Variants in LIPC observed in about 807,000 individuals in gnomAD.
LIPC encodes hepatic triacylglycerol lipase.
A neutral mutation model predicts 50.7 loss-of-function variants in LIPC; 44 were observed. The observed-to-expected ratio is 0.87, with a 90% CI of 0.68 to 1.11. The LOEUF (loss-of-function observed/expected upper bound fraction) is 1.11. LIPC is among the 50% of genes most tolerant of loss of function. LIPC has a pLI of 0.00. For synonymous variants in LIPC, 271 were observed against 256.4 expected, an observed-to-expected ratio of 1.06 and a Z score of -0.54; for missense variants, 697 against 648.2, an observed-to-expected ratio of 1.08 and a Z score of -0.82.
chr15:58,472,140 A>G lies in LIPC; in HGVS notation c.88+40020A>G, dbSNP rs928226031. 6.6e-5 allele frequency among the ~76,000 whole-genome samples: 10 copies of G among 151,796 alleles called. 1 individual carries two copies. The highest frequency in any genetic ancestry group is 2.1e-4 in the South Asian group (1 of 4,804). ...CAAAAAATTAGCCAGGCATGGTGGC[A>G]CGTGCCTGTAATCCCAGCTACTCGG... On this transcript the variant is annotated intron_variant, in intron 1 of 8. Transcript: ENST00000299022.
At chr15:58,541,650 C>A (rs1893327608) in intron 2 of LIPC, 135 bp from the exon 3 acceptor site, 5 of 904,072 alleles carry the variant, frequency 5.5e-6, no homozygotes, top group Non-Finnish European at 7.0e-6. Flanking sequence ...TTCTCTGGCC[C>A]AAAATGTCAA....
chr15:58,491,215 C>T (rs1313005241), intron 1 of LIPC, among the ~76,000 whole-genome samples: 2 of 152,152 alleles, frequency 1.3e-5, no homozygotes, highest in African/African-American at 4.8e-5. Flanking sequence ...ACTGGCCTTT[C>T]ATGAAATGAC....
chr15:58,445,737 C>T (rs934479056), intron 1 of LIPC, among the ~76,000 whole-genome samples: 8 of 152,198 alleles, frequency 5.3e-5, no homozygotes, highest in Admixed American at 3.3e-4. Flanking sequence ...TCACTCAAGG[C>T]CTGCAGACCT....
intron 1 of LIPC, among the ~76,000 whole-genome samples, chr15:58,520,975 A>G (rs1163211657): frequency 6.6e-6 from 1 of 152,314 alleles, no homozygotes; most frequent in East Asian, 1.9e-4. Context: ...GGGCTTTAAG[A>G]TGAGGGCGAA....
chr15:58,469,568 G>T (rs923706067), intron 1 of LIPC, among the ~76,000 whole-genome samples: 1 of 152,186 alleles, frequency 6.6e-6, no homozygotes, highest in African/African-American at 2.4e-5. Context: ...GGCTCAGGCA[G>T]GGAAGCTGAG....
intron 1 of LIPC, among the ~76,000 whole-genome samples, chr15:58,489,224 G>GA (rs1555400851): frequency 1.1e-5 from 1 of 91,232 alleles, no homozygotes; most frequent in East Asian, 3.3e-4. Context: ...TTGCGGGGGC[G>GA]GGGGGGCGGC....
chr15:58,493,269 C>T, intron 1 of LIPC, among the ~76,000 whole-genome samples: 1 of 152,270 alleles, frequency 6.6e-6, no homozygotes, highest in African/African-American at 2.4e-5. Context: ...CAGCACTCCA[C>T]CACAGCCTGC....
rs775782543 is a variant in LIPC, at chr15:58,541,791, G to A, written c.280G>A (p.Gly94Ser). Residue 94 changes from glycine (G) to serine (S), a missense_variant, in exon 3 of 9, where the codon GGC becomes AGC. Transcript: ENST00000299022. ...VMIIHGWSVD[G>S]VLENWIWQMV... ...CCCTCTGTCCCCTCCTCAGGTGGAC[G>A]GCGTGCTAGAAAACTGGATCTGGCA... 12 of 1,613,320 alleles carry A rather than the reference G, an allele frequency of 7.4e-6. No individual in the cohort carries two copies. Among genetic ancestry groups the A allele is most frequent in the African/African-American group, 5.3e-5 (4 of 74,910 alleles).
intron 1 of LIPC, among the ~76,000 whole-genome samples, chr15:58,490,368 G>A (rs1256646172): frequency 6.6e-6 from 1 of 152,204 alleles, no homozygotes; most frequent in Non-Finnish European, 1.5e-5. Flanking sequence ...TTTTCCAAAA[G>A]AGCGTATCTC....
Position 58,541,979 on chromosome 15 carries a change from C to A in LIPC, c.456+12C>A. 1 of 1,602,090 alleles carries A rather than the reference C, an allele frequency of 6.2e-7. No homozygotes were observed. On this transcript the variant is annotated intron_variant, in intron 3 of 8. Transcript: ENST00000299022. ...TCCGGTGGCTGGAGGTACCGACCTG[C>A]CCCATCCTTCCTTCACCTCCCTTCC...
chr15:58,560,306 T>C (rs1894114272), intron 6 of LIPC, among the ~76,000 whole-genome samples: 1 of 152,184 alleles, frequency 6.6e-6, no homozygotes, highest in African/African-American at 2.4e-5. Flanking sequence ...CTTATTTCCA[T>C]TAGGAAATAC....
At chr15:58,554,958 G>GT (rs1428857974) in intron 6 of LIPC, among the ~76,000 whole-genome samples, 3 of 152,150 alleles carry the variant, frequency 2.0e-5, no homozygotes, top group Non-Finnish European at 4.4e-5. Flanking sequence ...TCCCCAGCCC[G>GT]TTCCCTGGTG....
chr15:58,495,267 C>T (rs1299301702), intron 1 of LIPC, among the ~76,000 whole-genome samples: 1 of 152,228 alleles, frequency 6.6e-6, no homozygotes, highest in African/African-American at 2.4e-5. Context: ...CTGGGTGATT[C>T]TACCCATTAT....
intron 1 of LIPC, among the ~76,000 whole-genome samples, chr15:58,487,662 A>G (rs1372921499): frequency 1.3e-5 from 2 of 152,250 alleles, no homozygotes; most frequent in Non-Finnish European, 2.9e-5. Flanking sequence ...ATCCAGAAAT[A>G]GCTTTCTGTA....
chr15:58,516,381 T>G (rs1332759988), intron 1 of LIPC, among the ~76,000 whole-genome samples: 1 of 151,962 alleles, frequency 6.6e-6, no homozygotes, highest in Admixed American at 6.6e-5. Context: ...TCATCAAACG[T>G]AGATATTTTT....
chr15:58,439,537 G>A (rs1263175558), intron 1 of LIPC, among the ~76,000 whole-genome samples: 6 of 152,124 alleles, frequency 3.9e-5, no homozygotes, highest in Admixed American at 6.5e-5. Flanking sequence ...TCTGCCTCCC[G>A]GGTTCAAGCA....
intron 1 of LIPC, among the ~76,000 whole-genome samples, chr15:58,500,165 A>G (rs1228405319): frequency 1.3e-5 from 2 of 152,062 alleles, no homozygotes; most frequent in African/African-American, 2.4e-5. Context: ...GGGTGGAAAG[A>G]GCATGGGTTT....
chr15:58,558,517 G>A (rs189489474), intron 6 of LIPC, among the ~76,000 whole-genome samples: 179 of 152,330 alleles, frequency 1.2e-3, no homozygotes, highest in Non-Finnish European at 1.9e-3. Context: ...ATTAGGATCC[G>A]GGCCTCACAG....
intron 2 of LIPC, among the ~76,000 whole-genome samples, chr15:58,540,899 C>T (rs1292474635): frequency 6.6e-6 from 1 of 152,154 alleles, no homozygotes; most frequent in East Asian, 1.9e-4. Context: ...CTCCTAGGCT[C>T]AAGCCATCCT....
Sources: gnomAD v4.1 joint callset for allele counts (sites outside exome capture counted in the v4.1 genomes callset) on GRCh38, gnomAD v4.1.1 for gene constraint, MANE v1.5 for transcripts, NCBI Gene and HGNC (gene_info 2026-07-23, HGNC 2026-07-21) for gene names.